DNM3: variants seen among roughly 807,000 people sequenced by gnomAD.
The protein encoded by DNM3 is dynamin 3.
DNM3 carries 47 observed loss-of-function variants against 101.6 expected under a neutral mutation model. That is an observed-to-expected ratio of 0.46 (90% CI 0.37 to 0.59). DNM3 has a LOEUF of 0.59. Among genes scored for constraint, DNM3 ranks in the 20% least tolerant of loss-of-function variants. The pLI, the probability that DNM3 is intolerant of heterozygous loss-of-function variation, is 0.00. For missense variants in DNM3, 849 were observed against 1,085.7 expected (o/e 0.78, Z 3.06); for synonymous variants, 385 against 387.9 (o/e 0.99, Z 0.09).
intron 17 of DNM3, among the ~76,000 whole-genome samples, chr1:172,344,227 G>A (rs1404326229): frequency 6.6e-6 from 1 of 152,114 alleles, no homozygotes; most frequent in Non-Finnish European, 1.5e-5. Context: ...GCCTCTCATT[G>A]GTTTAATTTC....
chr1:172,049,980 C>G (rs2050093070), intron 10 of DNM3, among the ~76,000 whole-genome samples: 1 of 152,064 alleles, frequency 6.6e-6, no homozygotes, highest in Non-Finnish European at 1.5e-5. Flanking sequence ...GGTTCAGACC[C>G]CTTCTCTAGA....
At chr1:172,051,311 C>T (rs1025659572) in intron 10 of DNM3, among the ~76,000 whole-genome samples, 1 of 152,138 alleles carries the variant, frequency 6.6e-6, no homozygotes, top group African/African-American at 2.4e-5. Context: ...ACTGTCACCA[C>T]CAAGTTCCAG....
At position 172,116,862 on chromosome 1, in the gene DNM3, T is replaced by A. The variant is rs2055936163; in HGVS notation, c.1546-14313T>A. Among the ~76,000 whole-genome samples the A allele has an allele frequency of 9.9e-5, 15 of 152,150 alleles. No individual in the cohort carries two copies. In the South Asian group the frequency reaches 3.1e-3, roughly 32 times the overall value. On this transcript the variant is annotated intron_variant, in intron 13 of 20. Coordinates refer to ENST00000627582, the MANE Select transcript of DNM3 (RefSeq NM_015569.5). ...TGGAATGTCTCTCTTAAATAGCATT[T>A]CTTAGAACGTACTTTGAGAAACCCT... is the stretch of plus-strand genomic sequence containing the variant.
chr1:172,250,605 G>C (rs2062130035), intron 14 of DNM3, among the ~76,000 whole-genome samples: 4 of 152,116 alleles, frequency 2.6e-5, no homozygotes, highest in Admixed American at 1.3e-4. Flanking sequence ...CAGGGACCTG[G>C]AATAATGTTG....
chr1:171,967,107 T>C (rs185430374), intron 2 of DNM3, among the ~76,000 whole-genome samples: 1 of 152,274 alleles, frequency 6.6e-6, no homozygotes, highest in East Asian at 1.9e-4. Context: ...AGGGTTTGTC[T>C]TAGTTGACAA....
chr1:172,233,625 G>A (rs535409208), intron 14 of DNM3, among the ~76,000 whole-genome samples: 8 of 152,148 alleles, frequency 5.3e-5, no homozygotes, highest in Admixed American at 3.9e-4. Flanking sequence ...GATGAACATC[G>A]ATGCAAAAAT....
At chr1:172,195,008 C>G (rs917680082) in intron 14 of DNM3, among the ~76,000 whole-genome samples, 4 of 151,922 alleles carry the variant, frequency 2.6e-5, no homozygotes. Context: ...ACCAGTTGTT[C>G]CTTTCCATGT....
chr1:172,395,491 C>T (rs978105604), intron 20 of DNM3, among the ~76,000 whole-genome samples: 4 of 152,054 alleles, frequency 2.6e-5, no homozygotes, highest in Non-Finnish European at 4.4e-5. Context: ...ATTTAAATAA[C>T]GTTTACTAGA....
At chr1:172,198,843 T>G (rs2060049474) in intron 14 of DNM3, among the ~76,000 whole-genome samples, 1 of 151,602 alleles carries the variant, frequency 6.6e-6, no homozygotes, top group South Asian at 2.1e-4. Flanking sequence ...TCTTATTAAT[T>G]TTTTCAAAAA....
At chr1:172,053,068 T>G (rs1183788588) in intron 10 of DNM3, among the ~76,000 whole-genome samples, 2 of 152,210 alleles carry the variant, frequency 1.3e-5, no homozygotes, top group Non-Finnish European at 2.9e-5. Context: ...CAGCTATGCC[T>G]TTTGCCTATA....
At chr1:172,354,033 C>G (rs7536435) in intron 17 of DNM3, among the ~76,000 whole-genome samples, 1 of 144,878 alleles carries the variant, frequency 6.9e-6, no homozygotes, top group Non-Finnish European at 1.5e-5. Flanking sequence ...GTAACTTCTC[C>G]GAAATAGGTA....
At chr1:172,111,409 A>C (rs2055468724) in intron 13 of DNM3, among the ~76,000 whole-genome samples, 1 of 152,248 alleles carries the variant, frequency 6.6e-6, no homozygotes, top group Admixed American at 6.5e-5. Flanking sequence ...TCTCTACTTG[A>C]TAATAATATC....
At chr1:172,291,148 A>T (rs1271556421) in intron 15 of DNM3, among the ~76,000 whole-genome samples, 1 of 152,136 alleles carries the variant, frequency 6.6e-6, no homozygotes, top group East Asian at 1.9e-4. Context: ...AAAGAGGGAG[A>T]GAATGGAAAA....
chr1:172,075,807 G>A (rs181400980), intron 11 of DNM3, among the ~76,000 whole-genome samples: 2,129 of 152,134 alleles, frequency 0.014, 33 homozygotes, highest in Non-Finnish European at 0.021. Flanking sequence ...GCTCTTTTTT[G>A]GTTTCATATG....
intron 1 of DNM3, among the ~76,000 whole-genome samples, chr1:171,878,160 C>T (rs1457339934): frequency 6.6e-6 from 1 of 151,962 alleles, no homozygotes; most frequent in Non-Finnish European, 1.5e-5. Flanking sequence ...AAAGATAAGA[C>T]TTCCAACTCC....
intron 4 of DNM3, among the ~76,000 whole-genome samples, chr1:172,011,664 A>T (rs1474250226): frequency 6.6e-6 from 1 of 152,062 alleles, no homozygotes; most frequent in Non-Finnish European, 1.5e-5. Context: ...GAGATTTCCA[A>T]ACCCTGGGTT....
Position 172,410,094 on chromosome 1 carries a change from T to C in DNM3, c.*2253T>C. 3.0e-6 allele frequency: 3 copies of C among 985,436 alleles called. No individual in the cohort carries two copies. The highest frequency in any genetic ancestry group is 3.6e-6 in the Non-Finnish European group (3 of 829,884). 61.0% of individuals were successfully genotyped at this position (985,436 alleles called of 1,614,324 possible). A position where few individuals can be genotyped will look rare whatever the true frequency, so the allele number is the denominator to read the frequency against. ...TGGGTACATTTTTGTTCTTTACTCC[T>C]AAGTTATTTCTCATAGAACCCAGCC... On this transcript the variant is annotated 3_prime_UTR_variant, in exon 21 of 21. Transcript: ENST00000627582.
At chr1:172,086,269 G>A (rs2147776247) in intron 12 of DNM3, among the ~76,000 whole-genome samples, 1 of 152,284 alleles carries the variant, frequency 6.6e-6, no homozygotes, top group East Asian at 1.9e-4. Flanking sequence ...TCCTGGAGGA[G>A]AAACGGACAT....
At chr1:172,193,676 A>G (rs12354088) in intron 14 of DNM3, among the ~76,000 whole-genome samples, 1,546 of 152,186 alleles carry the variant, frequency 0.01, 33 homozygotes, top group African/African-American at 0.035. Flanking sequence ...ATCTGATGGT[A>G]GTTTGTATTT....
Sources: gnomAD v4.1 joint callset for allele counts (sites outside exome capture counted in the v4.1 genomes callset) on GRCh38, gnomAD v4.1.1 for gene constraint, MANE v1.5 for transcripts, NCBI Gene and HGNC (gene_info 2026-07-23, HGNC 2026-07-21) for gene names.